SFMBT1: variants seen among roughly 807,000 people sequenced by gnomAD.
SFMBT1 encodes scm-like with four MBT domains protein 1.
In SFMBT1, 32 loss-of-function variants were observed where a neutral mutation model predicts 108.7. The ratio of observed to expected loss-of-function variants is 0.29; its 90% CI spans 0.22 to 0.40. The LOEUF is 0.40. Among genes scored for constraint, SFMBT1 ranks in the 10% least tolerant of loss-of-function variants. SFMBT1 has a pLI of 1.00. For synonymous variants in SFMBT1, 348 were observed against 369.5 expected (o/e 0.94, Z 0.67); for missense variants, 816 against 1,059.6 (o/e 0.77, Z 3.19).
chr3:52,941,699 C>T (rs1228100736), intron 4 of SFMBT1, among the ~76,000 whole-genome samples: 1 of 149,266 alleles, frequency 6.7e-6, no homozygotes, highest in Non-Finnish European at 1.5e-5. Context: ...CAGTTTGAGA[C>T]TGGCCTGGGC....
At position 52,991,342 on chromosome 3, in the gene SFMBT1, C is replaced by CTTTTTTTTTTT. The variant is rs71087045; in HGVS notation, c.-130-22095_-130-22085dup. On this transcript the variant is annotated intron_variant, in intron 1 of 20. Transcript: ENST00000394752. ...ACCCAAAATTCACATGCTGAAACTT[C>CTTTTTTTTTTT]TTTTTTTTTTTTTTTTTTTGAGATG... 3.2e-3 allele frequency among the ~76,000 whole-genome samples: 290 copies of CTTTTTTTTTTT among 91,136 alleles called. 15 individuals carry two copies. The highest frequency in any genetic ancestry group is 4.6e-3 in the Non-Finnish European group (209 of 44,986). The allele number at this position is 91,136 out of a possible 152,430, so 59.8% of individuals were successfully genotyped here.
At chr3:52,921,628 C>T in intron 11 of SFMBT1, 77 bp downstream of exon 11, 2 of 1,485,666 alleles carry the variant, frequency 1.3e-6, no homozygotes, top group Non-Finnish European at 1.8e-6. Context: ...TTAAGTTTAA[C>T]AGGCAACATT....
intron 1 of SFMBT1, among the ~76,000 whole-genome samples, chr3:53,026,105 AAATT>A (rs1396600517): frequency 6.6e-6 from 1 of 152,260 alleles, no homozygotes; most frequent in Non-Finnish European, 1.5e-5. Context: ...ATTAAAAGCA[AAATT>A]AATTATCTGA....
Position 52,920,662 on chromosome 3 carries a change from T to TAAACAAACAAAC in SFMBT1, c.1259-24_1259-13dup, listed in dbSNP as rs143128850. ...AGGCTTCTTAGAACCTGTTTAGATTTAAACAAACAAACAAACAAACAAACA... is the reference window on the plus strand; with the variant it reads ...AGGCTTCTTAGAACCTGTTTAGATTTAAACAAACAAACAAACAAACAAACAAACAAACAAACA... On this transcript the variant is annotated splice_polypyrimidine_tract_variant and intron_variant, in intron 11 of 20. Coordinates refer to ENST00000394752, the MANE Select transcript of SFMBT1 (RefSeq NM_016329.4). The TAAACAAACAAAC allele has an allele frequency of 6.7e-7, 1 of 1,489,786 alleles. No homozygotes were observed. Among genetic ancestry groups the TAAACAAACAAAC allele is most frequent in the Admixed American group, 1.9e-5 (1 of 53,772 alleles). 92.3% of individuals were successfully genotyped at this position (1,489,786 alleles called of 1,614,324 possible). A position where few individuals can be genotyped will look rare whatever the true frequency, so the allele number is the denominator to read the frequency against.
At chr3:53,005,676 C>CATAAAAAA (rs1381556493) in intron 1 of SFMBT1, among the ~76,000 whole-genome samples, 1 of 152,166 alleles carries the variant, frequency 6.6e-6, no homozygotes, top group Non-Finnish European at 1.5e-5. Flanking sequence ...AAAGCAAAAA[C>CATAAAAAA]ATAGAGATGA....
chr3:52,979,741 T>C (rs1272983374), intron 1 of SFMBT1, among the ~76,000 whole-genome samples: 1 of 152,226 alleles, frequency 6.6e-6, no homozygotes, highest in Non-Finnish European at 1.5e-5. Flanking sequence ...GTAGTGATAC[T>C]ATGAACAGTC....
intron 11 of SFMBT1, 36 bp from the exon 12 acceptor site, chr3:52,920,686 C>T: frequency 7.3e-7 from 1 of 1,366,518 alleles, no homozygotes; most frequent in Non-Finnish European, 1.0e-6. Context: ...AACAAACAAA[C>T]AAACCTTTTT....
intron 5 of SFMBT1, among the ~76,000 whole-genome samples, chr3:52,933,811 T>G (rs999457689): frequency 9.2e-5 from 14 of 152,232 alleles, no homozygotes; most frequent in African/African-American, 3.4e-4. Context: ...TAAATCTTCT[T>G]GACCTTGGGT....
At position 52,937,014 on chromosome 3, in the gene SFMBT1, T is replaced by C. The variant is rs1166631612; in HGVS notation, c.365-2113A>G. On this transcript the variant is annotated intron_variant, in intron 4 of 20. Coordinates refer to ENST00000394752, the MANE Select transcript of SFMBT1 (RefSeq NM_016329.4). ...CCGCCACCATGCTTGGCTAATTGTT[T>C]GTATTTTTAGCAGAGACGGGGTTTC... Among the ~76,000 whole-genome samples, 4 of 151,798 alleles carry C rather than the reference T, an allele frequency of 2.6e-5. No individual in the cohort carries two copies. In the East Asian group the frequency reaches 7.7e-4, roughly 29 times the overall value.
intron 1 of SFMBT1, among the ~76,000 whole-genome samples, chr3:53,039,114 G>A (rs1008709930): frequency 1.3e-5 from 2 of 152,052 alleles, no homozygotes; most frequent in African/African-American, 2.4e-5. Flanking sequence ...TCTTTTGTTC[G>A]AATAAGCAAG....
At chr3:52,988,118 A>G (rs1704994017) in intron 1 of SFMBT1, among the ~76,000 whole-genome samples, 1 of 152,252 alleles carries the variant, frequency 6.6e-6, no homozygotes, top group Admixed American at 6.5e-5. Flanking sequence ...TGACTTAGAG[A>G]GACCCTTGGG....
chr3:53,027,295 C>G (rs375697582), intron 1 of SFMBT1, among the ~76,000 whole-genome samples: 30 of 152,274 alleles, frequency 2.0e-4, no homozygotes, highest in Non-Finnish European at 3.8e-4. Context: ...CATTCCCCCA[C>G]CCCCGTTAAA....
intron 12 of SFMBT1, 133 bp from the exon 13 acceptor site, chr3:52,918,659 GTA>G (rs10633605): frequency 7.7e-3 from 2,897 of 375,380 alleles, no homozygotes; most frequent in Middle Eastern, 9.2e-3. Flanking sequence ...ATGTGTGTGT[GTA>G]TATATATATA....
At chr3:52,971,814 G>A (rs765627560) in intron 1 of SFMBT1, among the ~76,000 whole-genome samples, 1 of 152,162 alleles carries the variant, frequency 6.6e-6, no homozygotes. Context: ...GAGAAAAGGA[G>A]GACTATTCCA....
In SFMBT1 at chr3:52,954,335, G is replaced by A; in HGVS notation, c.105C>T (p.Pro35=). The stretch of plus-strand genomic sequence containing the variant: ...TGCTTACATGTTTAAAAGACCCATA[G>A]GGAACTGCTGTGGACCCTGTTTCTT... The part of the protein sequence containing the change: ...YLEETGSTAV[P]YGSFKHVDTR... Residue 35 remains proline (P), a synonymous_variant, in exon 3 of 21, where the codon CCC becomes CCT. Coordinates refer to ENST00000394752, the MANE Select transcript of SFMBT1 (RefSeq NM_016329.4). 2.5e-6 allele frequency: 4 copies of A among 1,613,170 alleles called. No homozygotes were observed. Among genetic ancestry groups the A allele is most frequent in the Non-Finnish European group, 3.4e-6 (4 of 1,179,498 alleles).
intron 5 of SFMBT1, among the ~76,000 whole-genome samples, chr3:52,932,708 C>T (rs374115303): frequency 3.2e-4 from 48 of 151,962 alleles, no homozygotes; most frequent in African/African-American, 1.1e-3. Flanking sequence ...GTCAGGAGTT[C>T]GAGACCAGTG....
chr3:52,989,723 G>GAC (rs1335303523), intron 1 of SFMBT1, among the ~76,000 whole-genome samples: 1 of 151,594 alleles, frequency 6.6e-6, no homozygotes, highest in Non-Finnish European at 1.5e-5. Flanking sequence ...GAACCTGGGA[G>GAC]ACAGAGGGTG....
intron 2 of SFMBT1, among the ~76,000 whole-genome samples, chr3:52,960,049 T>C (rs1168627446): frequency 3.3e-5 from 5 of 151,896 alleles, no homozygotes; most frequent in Non-Finnish European, 7.4e-5. Context: ...GTAAGTAGAA[T>C]AGATAAGTTA....
intron 10 of SFMBT1, among the ~76,000 whole-genome samples, chr3:52,924,829 TG>T (rs1253425004): frequency 3.3e-5 from 5 of 152,308 alleles, no homozygotes; most frequent in African/African-American, 9.6e-5. Flanking sequence ...GAGAGACTAC[TG>T]GGAAGTGTGG....
Sources: allele counts gnomAD v4.1 joint callset (sites outside exome capture counted in the v4.1 genomes callset), GRCh38; gene constraint gnomAD v4.1.1; transcripts MANE v1.5; gene names NCBI Gene and HGNC (gene_info 2026-07-23, HGNC 2026-07-21).